TXLNB: variants seen among roughly 807,000 people sequenced by gnomAD.
The protein encoded by TXLNB is beta-taxilin.
In TXLNB, 37 loss-of-function variants were observed where a neutral mutation model predicts 57.4. The observed-to-expected ratio is 0.64, with a 90% CI of 0.50 to 0.85. TXLNB has a LOEUF of 0.85. Ranked by LOEUF, TXLNB falls within the 40% of genes least tolerant of loss-of-function variation. The pLI is 0.00. For synonymous variants in TXLNB, 302 were observed against 309.6 expected (o/e 0.98, Z 0.26); for missense variants, 848 against 825.6 (o/e 1.03, Z -0.33).
chr6:139,193,260 T>TTTTTTTTTA, the TXLNB span, among the ~76,000 whole-genome samples: 8 of 148,376 alleles, frequency 5.4e-5, no homozygotes, highest in Non-Finnish European at 1.2e-4. Flanking sequence ...TTTTTTTTTT[T>TTTTTTTTTA]ATCATTGTCT....
At chr6:139,185,321 C>T in the TXLNB span, among the ~76,000 whole-genome samples, 1 of 152,162 alleles carries the variant, frequency 6.6e-6, no homozygotes, top group Non-Finnish European at 1.5e-5. Flanking sequence ...CTGGCAGTAG[C>T]ATATGCCTTT....
chr6:139,226,056 T>A, the TXLNB span, among the ~76,000 whole-genome samples: 1 of 151,926 alleles, frequency 6.6e-6, no homozygotes, highest in Admixed American at 6.6e-5. Flanking sequence ...CCCAGCACTT[T>A]GGGAGGCTGA....
the TXLNB span, among the ~76,000 whole-genome samples, chr6:139,226,581 A>G: frequency 6.6e-6 from 1 of 152,214 alleles, no homozygotes; most frequent in Non-Finnish European, 1.5e-5. Flanking sequence ...AATATAAAGC[A>G]TTACTACACA....
chr6:139,233,116 G>A, the TXLNB span, among the ~76,000 whole-genome samples: 1 of 151,628 alleles, frequency 6.6e-6, no homozygotes, highest in African/African-American at 2.4e-5. Flanking sequence ...CTCAAATCTG[G>A]TACCTATTAA....
the TXLNB span, among the ~76,000 whole-genome samples, chr6:139,227,682 A>G: frequency 6.6e-6 from 1 of 152,256 alleles, no homozygotes; most frequent in Non-Finnish European, 1.5e-5. Context: ...TATTCATACT[A>G]TAGATCACTA....
chr6:139,227,079 A>T, the TXLNB span, among the ~76,000 whole-genome samples: 2 of 152,028 alleles, frequency 1.3e-5, no homozygotes, highest in Admixed American at 6.5e-5. Flanking sequence ...GTGGTGGCTC[A>T]TGCCTGTAAT....
At chr6:139,250,202 C>T (rs1776165162) in intron 7 of TXLNB, among the ~76,000 whole-genome samples, 1 of 140,024 alleles carries the variant, frequency 7.1e-6, no homozygotes, top group South Asian at 2.3e-4. Context: ...TTTTTTAACA[C>T]AGGCTGGTCT....
In TXLNB at chr6:139,241,388, A is replaced by T. The variant is rs549648253; in HGVS notation, c.*1138T>A. 6.6e-6 allele frequency: 1 copy of T among 152,246 alleles called. No homozygotes were observed. Among genetic ancestry groups the T allele is most frequent in the Non-Finnish European group, 1.5e-5 (1 of 68,044 alleles). The allele number at this position is 152,246 out of a possible 1,614,324, so 9.4% of individuals were successfully genotyped here. A position where few individuals can be genotyped will look rare whatever the true frequency, so the allele number is the denominator to read the frequency against. On this transcript the variant is annotated 3_prime_UTR_variant, in exon 10 of 10. Coordinates refer to ENST00000358430, the MANE Select transcript of TXLNB (RefSeq NM_153235.4). The stretch of plus-strand genomic sequence containing the variant: ...TCCTGCTACAAAGGAGAAATTGGGA[A>T]GGAAGGAGCAGAAGCTTTTAGAATA...
downstream of TXLNB, among the ~76,000 whole-genome samples, chr6:139,235,153 G>A (rs115847656): frequency 0.023 from 3,521 of 151,818 alleles, 124 homozygotes; most frequent in African/African-American, 0.078. Context: ...GAGGACAGGC[G>A]CTCCTGTTTT....
At chr6:139,238,302 G>T (rs1439072546), downstream of TXLNB, among the ~76,000 whole-genome samples, 1 of 152,202 alleles carries the variant, frequency 6.6e-6, no homozygotes. Flanking sequence ...GCTGAGGCAC[G>T]AGACTGGCTT....
the TXLNB span, among the ~76,000 whole-genome samples, chr6:139,297,544 A>G: frequency 2.0e-5 from 3 of 152,236 alleles, no homozygotes; most frequent in Non-Finnish European, 4.4e-5. Flanking sequence ...TCATTAAATA[A>G]TTAAGATTAT....
the TXLNB span, chr6:139,183,462 A>AGAT: frequency 6.6e-6 from 1 of 152,214 alleles, no homozygotes; most frequent in African/African-American, 2.4e-5. Context: ...TGTGAACTTT[A>AGAT]GATCCTGAAG....
intron 1 of TXLNB, among the ~76,000 whole-genome samples, chr6:139,289,649 G>A (rs907193168): frequency 1.3e-5 from 2 of 152,172 alleles, no homozygotes; most frequent in Non-Finnish European, 2.9e-5. Flanking sequence ...CATTAAGAAA[G>A]TAATTCATGC....
At chr6:139,180,218 G>T in the TXLNB span, 1 of 152,162 alleles carries the variant, frequency 6.6e-6, no homozygotes. Flanking sequence ...TTTCATATAT[G>T]TTGGGGGAAA....
In TXLNB at chr6:139,243,019, T is replaced by C. The variant is rs138739792; in HGVS notation, c.1562A>G (p.Lys521Arg). ...ACTGCCTATTTCGGGTTGGGTTTCT[T>C]TGGACTGGTGCGGGGTTGACTCTGG... ...HHPESTPHQSKETQPEIGSSQ... is the reference protein window; with the variant it reads ...HHPESTPHQSRETQPEIGSSQ... The change falls in exon 10 of 10, where the codon AAA becomes AGA. Residue 521 changes from lysine (K) to arginine (R), a missense_variant. Coordinates refer to ENST00000358430, the MANE Select transcript of TXLNB (RefSeq NM_153235.4). The C allele has an allele frequency of 4.3e-6, 7 of 1,614,120 alleles. No individual in the cohort carries two copies. Among genetic ancestry groups the C allele is most frequent in the African/African-American group, 1.3e-5 (1 of 75,010 alleles).
At chr6:139,248,637 G>A (rs745913398) in intron 7 of TXLNB, among the ~76,000 whole-genome samples, 21 of 152,224 alleles carry the variant, frequency 1.4e-4, no homozygotes, top group Non-Finnish European at 2.9e-4. Flanking sequence ...TGAGGGACCT[G>A]CACTTCTAAT....
rs1775993308 is a variant in TXLNB at position 139,243,178 on chromosome 6, T to C, written c.1403A>G (p.Asp468Gly). 1 of 1,614,090 alleles carries C rather than the reference T, an allele frequency of 6.2e-7. No individual in the cohort carries two copies. The highest frequency in any genetic ancestry group is 1.7e-5 in the Admixed American group (1 of 59,996). ...IRDAEISEKD[D>G]QSQHNSDEEP... is the part of the protein sequence containing the mutation. ...TTCATCGGAGTTGTGCTGACTTTGG[T>C]CATCCTTTTCAGATATTTCTGCGTC... The change falls in exon 10 of 10, where the codon GAC becomes GGC. Residue 468 changes from aspartate (D) to glycine (G), a missense_variant. By Grantham distance (94) the Asp-to-Gly change is moderately conservative (BLOSUM62 -1). Coordinates refer to ENST00000358430, the MANE Select transcript of TXLNB (RefSeq NM_153235.4).
rs998979739 is a variant in TXLNB at position 139,291,540 on chromosome 6, T to C, written c.-15+381A>G. Among the ~76,000 whole-genome samples the C allele has an allele frequency of 3.0e-4, 46 of 152,306 alleles. 2 individuals carry two copies. The highest frequency in any genetic ancestry group is 1.0e-3 in the African/African-American group (43 of 41,566). ...TTACTTTAAAACAGAACAGTCATTATAAAGCCCAGGACAATTCAATTCCCA... is the reference window on the plus strand; with the variant it reads ...TTACTTTAAAACAGAACAGTCATTACAAAGCCCAGGACAATTCAATTCCCA... On this transcript the variant is annotated intron_variant, in intron 1 of 9. Coordinates refer to ENST00000358430, the MANE Select transcript of TXLNB (RefSeq NM_153235.4).
rs779058859 is a variant in TXLNB, at chr6:139,270,515, C to T, written c.628G>A (p.Ala210Thr). ...CACAGACTCTCCAATTTGCTTCGAGCGAGGATAGCTCTGCTGTGTTCACCT... is the reference window on the plus strand; with the variant it reads ...CACAGACTCTCCAATTTGCTTCGAGTGAGGATAGCTCTGCTGTGTTCACCT... The part of the protein sequence containing the change: ...LQGEHSRAIL[A>T]RSKLESLCRE... Residue 210 changes from alanine to threonine, a missense_variant, in exon 4 of 10, where the codon GCT becomes ACT. Coordinates refer to ENST00000358430, the MANE Select transcript of TXLNB (RefSeq NM_153235.4). 2.4e-5 allele frequency: 38 copies of T among 1,614,014 alleles called. No homozygotes were observed. The highest frequency in any genetic ancestry group is 1.0e-4 in the Admixed American group (6 of 59,990).
Sources: allele counts gnomAD v4.1 joint callset (sites outside exome capture counted in the v4.1 genomes callset), GRCh38; gene constraint gnomAD v4.1.1; transcripts MANE v1.5; gene names NCBI Gene and HGNC (gene_info 2026-07-23, HGNC 2026-07-21).